ATG10: variants seen among roughly 807,000 people sequenced by gnomAD.
ATG10 encodes the protein autophagy related 10.
In ATG10, 30 loss-of-function variants were observed where a neutral mutation model predicts 32.1. The ratio of observed to expected loss-of-function variants is 0.94; its 90% CI spans 0.70 to 1.27. The LOEUF (loss-of-function observed/expected upper bound fraction) is 1.27. ATG10 is among the 50% of genes most tolerant of loss of function. The pLI is 0.00. For missense variants in ATG10, 233 were observed against 262.3 expected (o/e 0.89, Z 0.77); for synonymous variants, 87 against 91.5 (o/e 0.95, Z 0.28).
At chr5:82,152,804 CAT>C (rs2149883008) in intron 3 of ATG10, among the ~76,000 whole-genome samples, 1 of 152,128 alleles carries the variant, frequency 6.6e-6, no homozygotes, top group South Asian at 2.1e-4. Context: ...TAAATATACA[CAT>C]ATTAGGGTTG....
intron 3 of ATG10, among the ~76,000 whole-genome samples, chr5:82,131,049 A>G (rs994772719): frequency 5.3e-5 from 8 of 152,066 alleles, no homozygotes; most frequent in Admixed American, 2.0e-4. Flanking sequence ...AAACATGGGC[A>G]CAATAGACAC....
chr5:81,993,369 T>TTTCCTTCCTTC (rs1554039351), intron 2 of ATG10, among the ~76,000 whole-genome samples: 1 of 38,028 alleles, frequency 2.6e-5, no homozygotes, highest in South Asian at 8.9e-4. Context: ...CCTTCTTTTC[T>TTTCCTTCCTTC]TTTCTTTTCT....
chr5:82,112,208 C>A (rs903430012), intron 3 of ATG10, among the ~76,000 whole-genome samples: 1 of 151,986 alleles, frequency 6.6e-6, no homozygotes, highest in East Asian at 1.9e-4. Flanking sequence ...AGAAAGATGT[C>A]CACTGCATCT....
intron 5 of ATG10, among the ~76,000 whole-genome samples, chr5:82,207,633 T>C (rs762370435): frequency 6.6e-5 from 10 of 152,252 alleles, no homozygotes; most frequent in South Asian, 6.2e-4. Flanking sequence ...TTAATTTTAA[T>C]GTGGTCTAAT....
Position 82,097,930 on chromosome 5 carries a change from G to A in ATG10, c.216+39328G>A, listed in dbSNP as rs540375640. Among the ~76,000 whole-genome samples, 5 of 152,170 alleles carry A rather than the reference G, an allele frequency of 3.3e-5. No homozygotes were observed. The South Asian group carries it at 1.0e-3, about 32-fold the overall frequency. On this transcript the variant is annotated intron_variant, in intron 3 of 7. Transcript: ENST00000282185. ...AACTATTTTAACAACAACAAAAAAC[G>A]AGCAATAAACATGACATTTTAAAAA...
intron 2 of ATG10, among the ~76,000 whole-genome samples, chr5:82,003,588 A>T (rs1010956452): frequency 1.3e-5 from 2 of 152,226 alleles, no homozygotes; most frequent in African/African-American, 4.8e-5. Context: ...CAATGGATGT[A>T]ATTGTTTGAA....
intron 2 of ATG10, among the ~76,000 whole-genome samples, chr5:81,996,518 G>A (rs757135335): frequency 4.6e-5 from 7 of 152,238 alleles, no homozygotes; most frequent in Non-Finnish European, 7.3e-5. Context: ...GGGATTACAG[G>A]TGTGAGCTAC....
chr5:82,044,120 T>G (rs1763166702), intron 2 of ATG10, among the ~76,000 whole-genome samples: 1 of 152,072 alleles, frequency 6.6e-6, no homozygotes, highest in African/African-American at 2.4e-5. Context: ...ACTCACAGTT[T>G]GCAGGCTTAC....
intron 3 of ATG10, among the ~76,000 whole-genome samples, chr5:82,123,447 C>G (rs1766127284): frequency 6.6e-6 from 1 of 151,628 alleles, no homozygotes; most frequent in South Asian, 2.1e-4. Context: ...ATGAAATAAT[C>G]TGTTCAACAA....
chr5:82,007,185 A>AT, intron 2 of ATG10, among the ~76,000 whole-genome samples: 1 of 152,312 alleles, frequency 6.6e-6, no homozygotes, highest in African/African-American at 2.4e-5. Flanking sequence ...TTATTTCTAC[A>AT]AATTTTGATT....
chr5:81,992,219 G>A (rs1466323548), intron 2 of ATG10: 4 of 151,148 alleles, frequency 2.6e-5, no homozygotes, highest in Admixed American at 2.6e-4. Flanking sequence ...TGAACTCCTG[G>A]GCTCAAGCTG....
intron 5 of ATG10, among the ~76,000 whole-genome samples, chr5:82,232,762 A>T (rs1389593612): frequency 6.6e-6 from 1 of 151,416 alleles, no homozygotes; most frequent in Admixed American, 6.6e-5. Flanking sequence ...AGCAGCCAAC[A>T]TTTTTTTTTA....
At chr5:82,008,616 A>AT (rs1272665933) in intron 2 of ATG10, among the ~76,000 whole-genome samples, 2 of 152,248 alleles carry the variant, frequency 1.3e-5, no homozygotes, top group African/African-American at 4.8e-5. Flanking sequence ...AGTTTAACAA[A>AT]TAAGAGCACA....
intron 3 of ATG10, among the ~76,000 whole-genome samples, chr5:82,131,255 T>C (rs1182940778): frequency 1.3e-5 from 2 of 152,178 alleles, no homozygotes; most frequent in African/African-American, 4.8e-5. Context: ...CAAAACATTA[T>C]TAATTGGTAT....
chr5:82,064,339 T>A (rs925297317), intron 3 of ATG10, among the ~76,000 whole-genome samples: 1 of 151,918 alleles, frequency 6.6e-6, no homozygotes, highest in Admixed American at 6.6e-5. Flanking sequence ...TGATCAAAAG[T>A]CTAAATTTTT....
intron 1 of ATG10, among the ~76,000 whole-genome samples, chr5:81,983,453 G>A (rs1275476782): frequency 2.7e-5 from 4 of 145,494 alleles, no homozygotes; most frequent in African/African-American, 1.0e-4. Context: ...GGCTGGCCGG[G>A]CGGGGGTCTG....
In ATG10 at chr5:81,989,193, C is replaced by T. The variant is rs568348058; in HGVS notation, c.108+1515C>T. On this transcript the variant is annotated intron_variant, in intron 2 of 7. Transcript: ENST00000282185. ...TTAGAGAATAGGTAAATTTTCTCTACTTAACATTTTACCCGGTTCCCGAAA... is the reference window on the plus strand; with the variant it reads ...TTAGAGAATAGGTAAATTTTCTCTATTTAACATTTTACCCGGTTCCCGAAA... Among the ~76,000 whole-genome samples, 41 of 152,350 alleles carry T rather than the reference C, an allele frequency of 2.7e-4. 1 individual carries two copies. The South Asian group carries it at 7.5e-3, about 28-fold the overall frequency.
intron 3 of ATG10, among the ~76,000 whole-genome samples, chr5:82,100,810 C>T (rs968380623): frequency 7.4e-6 from 1 of 134,410 alleles, no homozygotes; most frequent in Admixed American, 8.1e-5. Context: ...CCTGTAACCA[C>T]AGCATGAGTC....
At chr5:81,993,373 CTTTTCT>C (rs1561244214) in intron 2 of ATG10, among the ~76,000 whole-genome samples, 19 of 36,068 alleles carry the variant, frequency 5.3e-4, no homozygotes, top group African/African-American at 1.6e-3. Context: ...CTTTTCTTTT[CTTTTCT>C]TTTCTTTTCT....
Sources: gnomAD v4.1 joint callset for allele counts (sites outside exome capture counted in the v4.1 genomes callset) on GRCh38, gnomAD v4.1.1 for gene constraint, MANE v1.5 for transcripts, NCBI Gene and HGNC (gene_info 2026-07-23, HGNC 2026-07-21) for gene names.